The following PPP3R2 variants were observed in gnomAD, a reference collection of about 807,000 sequenced individuals.
PPP3R2 encodes the protein calcineurin subunit B type 2.
For synonymous variants in PPP3R2, 91 were observed against 91.5 expected (o/e 0.99, Z 0.03); for missense variants, 225 against 217.4 (o/e 1.03, Z -0.22).
rs762159631 is a variant in PPP3R2 at position 101,594,938 on chromosome 9, C to A, written c.-17G>T. ...GTTTCCCATTGTGGACATCTGGCAACGGCCACGGCTCAAAGGGTCGGAGAG... is the reference window on the plus strand; with the variant it reads ...GTTTCCCATTGTGGACATCTGGCAAAGGCCACGGCTCAAAGGGTCGGAGAG... On this transcript the variant is annotated 5_prime_UTR_variant, in exon 1 of 1. Transcript: ENST00000374806. The A allele has an allele frequency of 6.3e-6, 10 of 1,593,278 alleles. No homozygotes were observed. Among genetic ancestry groups the A allele is most frequent in the Non-Finnish European group, 7.6e-6 (9 of 1,176,662 alleles).
Position 101,594,593 on chromosome 9 carries a change from C to T in PPP3R2, c.329G>A (p.Gly110Glu), listed in dbSNP as rs1564121492. The stretch of plus-strand genomic sequence containing the variant: ...CATCTTCAGCACCTGGAAGAGCTCC[C>T]CGTTGGAAATGTAGCCATCTTTATC... ...DMDKDGYISN[G>E]ELFQVLKMMV... The change falls in exon 1 of 1, where the codon GGG becomes GAG. Residue 110 changes from glycine to glutamate, a missense_variant. Transcript: ENST00000374806. The T allele has an allele frequency of 6.2e-7, 1 of 1,614,160 alleles. No homozygotes were observed. The highest frequency in any genetic ancestry group is 8.5e-7 in the Non-Finnish European group (1 of 1,180,036).
rs146408489 is a variant in PPP3R2 at position 101,594,863 on chromosome 9, A to G, written c.59T>C (p.Ile20Thr). 26 of 1,603,610 alleles carry G rather than the reference A, an allele frequency of 1.6e-5. No individual in the cohort carries two copies. The African/African-American group carries it at 3.2e-4, about 20-fold the overall frequency. Residue 20 changes from isoleucine (I) to threonine (T), a missense_variant, in exon 1 of 1, where the codon ATT becomes ACT. Coordinates refer to ENST00000374806, the MANE Select transcript of PPP3R2 (RefSeq NM_147180.4). The stretch of plus-strand genomic sequence containing the variant: ...CTTAAACCTCCTGCCCAGCCTTTTA[A>G]TTTCATCATTGTCAAAGTGGGAGCA... ...EMCSHFDNDE[I>T]KRLGRRFKKL...
In PPP3R2 at chr9:101,594,603, T is replaced by A. The variant is rs778138570; in HGVS notation, c.319A>T (p.Ile107Phe). 1 of 1,614,172 alleles carries A rather than the reference T, an allele frequency of 6.2e-7. No homozygotes were observed. The highest frequency in any genetic ancestry group is 1.1e-5 in the South Asian group (1 of 91,076). Residue 107 changes from isoleucine (I) to phenylalanine (F), a missense_variant, in exon 1 of 1, where the codon ATT becomes TTT. Coordinates refer to ENST00000374806, the MANE Select transcript of PPP3R2 (RefSeq NM_147180.4). ...SIYDMDKDGY[I>F]SNGELFQVLK... ...ACCTGGAAGAGCTCCCCGTTGGAAA[T>A]GTAGCCATCTTTATCCATGTCGTAA...
Position 101,592,091 on chromosome 9 carries a change from G to A in PPP3R2, c.*2318C>T, listed in dbSNP as rs1387561826. 3 of 152,150 alleles carry A rather than the reference G, an allele frequency of 2.0e-5. No individual in the cohort carries two copies. The highest frequency in any genetic ancestry group is 2.9e-5 in the Non-Finnish European group (2 of 68,022). The allele number at this position is 152,150 out of a possible 1,614,324, so 9.4% of individuals were successfully genotyped here. A position where few individuals can be genotyped will look rare whatever the true frequency, so the allele number is the denominator to read the frequency against. ...AATTCCTCCACAAAAAGTTAAATAG[G>A]TTGGGCTGGAATGAGAGATTTTGTT... On this transcript the variant is annotated 3_prime_UTR_variant, in exon 1 of 1. Transcript: ENST00000374806.
In PPP3R2 at chr9:101,594,742, G is replaced by C. The variant is rs148782154; in HGVS notation, c.180C>G (p.Asp60Glu). 8 of 1,614,018 alleles carry C rather than the reference G, an allele frequency of 5.0e-6. No individual in the cohort carries two copies. In the Admixed American group the frequency reaches 1.2e-4, roughly 24 times the overall value. The change falls in exon 1 of 1, where the codon GAC (aspartate) becomes GAG (glutamate). Residue 60 changes from aspartate (D) to glutamate (E), a missense_variant. Coordinates refer to ENST00000374806, the MANE Select transcript of PPP3R2 (RefSeq NM_147180.4). ...CTCCATCACCGTCGGTGTCGAAGAC[G>C]TCGATCACTCGCCGCACCAACGGGT... is the stretch of plus-strand genomic sequence containing the variant. ...RHNPLVRRVIDVFDTDGDGEV... is the reference protein window; with the variant it reads ...RHNPLVRRVIEVFDTDGDGEV...
At position 101,592,060 on chromosome 9, in the gene PPP3R2, A is replaced by G. The variant is rs1330425737; in HGVS notation, c.*2349T>C. The G allele has an allele frequency of 6.6e-6, 1 of 152,198 alleles. No homozygotes were observed. The highest frequency in any genetic ancestry group is 1.5e-5 in the Non-Finnish European group (1 of 68,028). The allele number at this position is 152,198 out of a possible 1,614,324, so 9.4% of individuals were successfully genotyped here. The stretch of plus-strand genomic sequence containing the variant: ...AGCATGACATGTGCTCACTTCCTCC[A>G]TGTAAAATTCCTCCACAAAAAGTTA... On this transcript the variant is annotated 3_prime_UTR_variant, in exon 1 of 1. Coordinates refer to ENST00000374806, the MANE Select transcript of PPP3R2 (RefSeq NM_147180.4).
Position 101,592,262 on chromosome 9 carries a change from G to C in PPP3R2, c.*2147C>G, listed in dbSNP as rs539752014. 6.6e-6 allele frequency: 1 copy of C among 152,230 alleles called. No homozygotes were observed. Among genetic ancestry groups the C allele is most frequent in the South Asian group, 2.1e-4 (1 of 4,816 alleles). 9.4% of individuals were successfully genotyped at this position (152,230 alleles called of 1,614,324 possible). A position where few individuals can be genotyped will look rare whatever the true frequency, so the allele number is the denominator to read the frequency against. ...CTAATGTCCAGTTAATTTTAGAGTGGGTGTAGCTAAGAACTAAGTAAGTGT... is the reference window on the plus strand; with the variant it reads ...CTAATGTCCAGTTAATTTTAGAGTGCGTGTAGCTAAGAACTAAGTAAGTGT... On this transcript the variant is annotated 3_prime_UTR_variant, in exon 1 of 1. Coordinates refer to ENST00000374806, the MANE Select transcript of PPP3R2 (RefSeq NM_147180.4).
rs1828092942 is a variant in PPP3R2, at chr9:101,594,796, C to G, written c.126G>C (p.Glu42Asp). The G allele has an allele frequency of 6.2e-7, 1 of 1,613,132 alleles. No individual in the cohort carries two copies. The highest frequency in any genetic ancestry group is 1.1e-5 in the South Asian group (1 of 91,082). Residue 42 changes from glutamate to aspartate, a missense_variant, in exon 1 of 1, where the codon GAG becomes GAC. By Grantham distance (45) the Glu-to-Asp change is conservative. Coordinates refer to ENST00000374806, the MANE Select transcript of PPP3R2 (RefSeq NM_147180.4). Reference sequence around the variant, plus strand: ...GGCGCAGCTCCGGCAGGGACATGAACTCCTCCACGCTCAGAGACCCTGATT... The same window carrying G: ...GGCGCAGCTCCGGCAGGGACATGAAGTCCTCCACGCTCAGAGACCCTGATT... ...LDKSGSLSVE[E>D]FMSLPELRHN...
rs1828050159 is a variant in PPP3R2, at chr9:101,592,770, CT to C, written c.*1638del. ...ATTTGTGGACTTTTTTTTTTTTTTT[CT>C]ATTTTGGTCAAGACCAGTTGCCAGC... On this transcript the variant is annotated 3_prime_UTR_variant, in exon 1 of 1. Transcript: ENST00000374806. 1 of 106,884 alleles carries C rather than the reference CT, an allele frequency of 9.4e-6. No individual in the cohort carries two copies. The highest frequency in any genetic ancestry group is 3.6e-5 in the African/African-American group (1 of 27,742). The allele number at this position is 106,884 out of a possible 1,614,324, so 6.6% of individuals were successfully genotyped here. A position where few individuals can be genotyped will look rare whatever the true frequency, so the allele number is the denominator to read the frequency against.
rs1352165376 is a variant in PPP3R2 at position 101,591,628 on chromosome 9, G to A, written c.*2781C>T. On this transcript the variant is annotated 3_prime_UTR_variant, in exon 1 of 1. Transcript: ENST00000374806. ...GTTATGGGACAATTGCTCAATAAATGTTTATTATCATCATCCCAAGAAACT... is the reference window on the plus strand; with the variant it reads ...GTTATGGGACAATTGCTCAATAAATATTTATTATCATCATCCCAAGAAACT... The A allele has an allele frequency of 1.1e-4, 17 of 152,282 alleles. No homozygotes were observed. Among genetic ancestry groups the A allele is most frequent in the Admixed American group, 1.0e-3 (16 of 15,298 alleles). 9.4% of individuals were successfully genotyped at this position (152,282 alleles called of 1,614,324 possible). A position where few individuals can be genotyped will look rare whatever the true frequency, so the allele number is the denominator to read the frequency against.
rs1039625113 is a variant in PPP3R2 at position 101,592,353 on chromosome 9, G to C, written c.*2056C>G. ...GATCTTGTAGAAGGGGAAGAAGGGG[G>C]AAGGGAAGGGAATTAGTTGAATGAA... is the stretch of plus-strand genomic sequence containing the variant. On this transcript the variant is annotated 3_prime_UTR_variant, in exon 1 of 1. Transcript: ENST00000374806. 1 of 152,250 alleles carries C rather than the reference G, an allele frequency of 6.6e-6. No individual in the cohort carries two copies. Among genetic ancestry groups the C allele is most frequent in the Non-Finnish European group, 1.5e-5 (1 of 68,054 alleles). The allele number at this position is 152,250 out of a possible 1,614,324, so 9.4% of individuals were successfully genotyped here.
rs1359847333 is a variant in PPP3R2 at position 101,591,662 on chromosome 9, C to T, written c.*2747G>A. On this transcript the variant is annotated 3_prime_UTR_variant, in exon 1 of 1. Coordinates refer to ENST00000374806, the MANE Select transcript of PPP3R2 (RefSeq NM_147180.4). ...CATCATCCCAAGAAACTGTATAGAA[C>T]TAGATTTGTTGGCAACTGGCAATTA... is the stretch of plus-strand genomic sequence containing the variant. 1.3e-5 allele frequency: 2 copies of T among 152,198 alleles called. No homozygotes were observed. Among genetic ancestry groups the T allele is most frequent in the African/African-American group, 2.4e-5 (1 of 41,450 alleles). The allele number at this position is 152,198 out of a possible 1,614,324, so 9.4% of individuals were successfully genotyped here. A position where few individuals can be genotyped will look rare whatever the true frequency, so the allele number is the denominator to read the frequency against.
chr9:101,594,459 C>T lies in PPP3R2; in HGVS notation c.463G>A (p.Ala155Thr), dbSNP rs1828080857. Residue 155 changes from alanine to threonine, a missense_variant, in exon 1 of 1, where the codon GCT becomes ACT. Physicochemically the swap from Ala to Thr is moderately conservative, Grantham distance 58 (BLOSUM62 0). Transcript: ENST00000374806. ...DGKISFEEFS[A>T]VVRDLEIHKK... ...TGGATCTCCAGGTCTCTGACCACAGCACTGAATTCCTCAAAGGATATCTTC... is the reference window on the plus strand; with the variant it reads ...TGGATCTCCAGGTCTCTGACCACAGTACTGAATTCCTCAAAGGATATCTTC... 6.2e-7 allele frequency: 1 copy of T among 1,614,012 alleles called. No individual in the cohort carries two copies.
rs927379925 is a variant in PPP3R2, at chr9:101,593,816, AC to A, written c.*592del. On this transcript the variant is annotated 3_prime_UTR_variant, in exon 1 of 1. Coordinates refer to ENST00000374806, the MANE Select transcript of PPP3R2 (RefSeq NM_147180.4). ...TCAGGAGGAGGCCAAATGAACTCCT[AC>A]CCCTCAAACATGCACAGCGATTTCT... The A allele has an allele frequency of 8.5e-5, 13 of 152,380 alleles. No homozygotes were observed. Among genetic ancestry groups the A allele is most frequent in the African/African-American group, 2.9e-4 (12 of 41,428 alleles). The allele number at this position is 152,380 out of a possible 1,614,324, so 9.4% of individuals were successfully genotyped here.
In PPP3R2 at chr9:101,592,619, A is replaced by G. The variant is rs1272337360; in HGVS notation, c.*1790T>C. On this transcript the variant is annotated 3_prime_UTR_variant, in exon 1 of 1. Coordinates refer to ENST00000374806, the MANE Select transcript of PPP3R2 (RefSeq NM_147180.4). ...CCACAGGGTTGGGAGCGTTTATCAC[A>G]GTTTTTAGGGTTGAACAGGAATTGA... 2.0e-5 allele frequency: 3 copies of G among 152,184 alleles called. No homozygotes were observed. The highest frequency in any genetic ancestry group is 7.2e-5 in the African/African-American group (3 of 41,440). 9.4% of individuals were successfully genotyped at this position (152,184 alleles called of 1,614,324 possible).
rs1234958592 is a variant in PPP3R2 at position 101,592,682 on chromosome 9, T to A, written c.*1727A>T. The A allele has an allele frequency of 2.0e-5, 3 of 152,132 alleles. No individual in the cohort carries two copies. The highest frequency in any genetic ancestry group is 6.6e-5 in the Admixed American group (1 of 15,260). 9.4% of individuals were successfully genotyped at this position (152,132 alleles called of 1,614,324 possible). ...TCCTATTTTTGTGGTTTCTAAGTAA[T>A]CTATTAAATACAAAAGTATATGGTA... On this transcript the variant is annotated 3_prime_UTR_variant, in exon 1 of 1. Transcript: ENST00000374806.
Position 101,594,331 on chromosome 9 carries a change from G to A in PPP3R2, c.*78C>T. ...TACTTCCAGATAAGTCAGAGAGACA[G>A]TTGGACGTCTTGAGCAAATCTTGAA... On this transcript the variant is annotated 3_prime_UTR_variant, in exon 1 of 1. Transcript: ENST00000374806. The A allele has an allele frequency of 1.3e-6, 2 of 1,500,622 alleles. No homozygotes were observed. The highest frequency in any genetic ancestry group is 1.3e-5 in the South Asian group (1 of 74,432). The allele number at this position is 1,500,622 out of a possible 1,614,324, so 93.0% of individuals were successfully genotyped here.
chr9:101,593,198 T>C lies in PPP3R2; in HGVS notation c.*1211A>G, dbSNP rs1209498410. On this transcript the variant is annotated 3_prime_UTR_variant, in exon 1 of 1. Transcript: ENST00000374806. ...CATGGCTGATCTAAAGCTACCAACATGACATAAATGCGTGGGAAGAGACAC... is the reference window on the plus strand; with the variant it reads ...CATGGCTGATCTAAAGCTACCAACACGACATAAATGCGTGGGAAGAGACAC... 1 of 152,200 alleles carries C rather than the reference T, an allele frequency of 6.6e-6. No individual in the cohort carries two copies. Among genetic ancestry groups the C allele is most frequent in the East Asian group, 1.9e-4 (1 of 5,194 alleles). The allele number at this position is 152,200 out of a possible 1,614,324, so 9.4% of individuals were successfully genotyped here. A position where few individuals can be genotyped will look rare whatever the true frequency, so the allele number is the denominator to read the frequency against.
chr9:101,594,213 A>G lies in PPP3R2; in HGVS notation c.*196T>C, dbSNP rs1049686945. On this transcript the variant is annotated 3_prime_UTR_variant, in exon 1 of 1. Coordinates refer to ENST00000374806, the MANE Select transcript of PPP3R2 (RefSeq NM_147180.4). ...GCTCATTTGACTTGCTCTTCCCCCT[A>G]TAGGGTACCCTGAGTCATTCAGAGA... 2 of 624,670 alleles carry G rather than the reference A, an allele frequency of 3.2e-6. No individual in the cohort carries two copies. The highest frequency in any genetic ancestry group is 2.6e-6 in the Non-Finnish European group (1 of 379,946). 38.7% of individuals were successfully genotyped at this position (624,670 alleles called of 1,614,324 possible).
Sources: allele counts gnomAD v4.1 joint callset, GRCh38; gene constraint gnomAD v4.1.1; transcripts MANE v1.5; gene names NCBI Gene and HGNC (gene_info 2026-07-23, HGNC 2026-07-21).